ACSL1: variants seen among roughly 807,000 people sequenced by gnomAD.
The protein encoded by ACSL1 is acyl-CoA synthetase long chain family member 1.
ACSL1 carries 41 observed loss-of-function variants against 98.4 expected under a neutral mutation model. The ratio of observed to expected loss-of-function variants is 0.42; its 90% CI spans 0.32 to 0.54. The LOEUF is 0.54. Among genes scored for constraint, ACSL1 ranks in the 20% least tolerant of loss-of-function variants. The probability of loss-of-function intolerance (pLI) is 0.13; values close to 1 mark genes in which losing one functional copy is unlikely to be tolerated. For missense variants in ACSL1, 734 were observed against 883.1 expected (o/e 0.83, Z 2.14); for synonymous variants, 316 against 322.7 (o/e 0.98, Z 0.22).
At chr4:184,822,723 G>C (rs1252544275) in intron 1 of ACSL1, among the ~76,000 whole-genome samples, 1 of 151,890 alleles carries the variant, frequency 6.6e-6, no homozygotes, top group Non-Finnish European at 1.5e-5. Context: ...CTGGGCGACA[G>C]AGTGAGACCT....
chr4:184,768,175 C>T, intron 12 of ACSL1, 141 bp downstream of exon 12: 1 of 883,398 alleles, frequency 1.1e-6, no homozygotes, highest in Non-Finnish European at 1.7e-6. Flanking sequence ...TCTAACTTTA[C>T]AGATGAGTAA....
chr4:184,821,101 C>G, intron 1 of ACSL1: 2 of 456,208 alleles, frequency 4.4e-6, no homozygotes, highest in Non-Finnish European at 8.8e-6. Context: ...TGAGTTAACC[C>G]ATCAGAAGCT....
At chr4:184,821,086 A>T (rs1198780373) in intron 1 of ACSL1, 1 of 456,202 alleles carries the variant, frequency 2.2e-6, no homozygotes, top group African/African-American at 2.0e-5. Context: ...TGCTGAAGGT[A>T]CTAATGAGTT....
intron 2 of ACSL1, among the ~76,000 whole-genome samples, chr4:184,802,873 C>T (rs1770763339): frequency 6.6e-6 from 1 of 152,198 alleles, no homozygotes; most frequent in Admixed American, 6.5e-5. Flanking sequence ...TATTTGAAAT[C>T]CCAAAGTCCC....
chr4:184,812,244 T>A, intron 1 of ACSL1: 1 of 985,272 alleles, frequency 1.0e-6, no homozygotes, highest in Non-Finnish European at 1.2e-6. Context: ...ATGCCCTTGG[T>A]TCTTAACACA....
In ACSL1 at chr4:184,756,926, A is replaced by G. The variant is rs1762182378; in HGVS notation, c.*199T>C. ...TTGGAAAGTGTGTATTACCATAAAC[A>G]TGGTCTGCAACATGAGGTGACTGTA... On this transcript the variant is annotated 3_prime_UTR_variant, in exon 21 of 21. Coordinates refer to ENST00000281455, the MANE Select transcript of ACSL1 (RefSeq NM_001995.5). 1.8e-6 allele frequency: 1 copy of G among 563,140 alleles called. No individual in the cohort carries two copies. Among genetic ancestry groups the G allele is most frequent in the Admixed American group, 3.1e-5 (1 of 32,770 alleles). The allele number at this position is 563,140 out of a possible 1,614,324, so 34.9% of individuals were successfully genotyped here.
intron 4 of ACSL1, among the ~76,000 whole-genome samples, chr4:184,783,209 T>C (rs769451547): frequency 3.3e-5 from 5 of 152,212 alleles, no homozygotes; most frequent in Non-Finnish European, 5.9e-5. Flanking sequence ...AACGTCTTCC[T>C]GCACTGCTAC....
At chr4:184,767,594 A>T (rs943698420) in intron 12 of ACSL1, among the ~76,000 whole-genome samples, 10 of 152,248 alleles carry the variant, frequency 6.6e-5, no homozygotes, top group Non-Finnish European at 1.5e-4. Flanking sequence ...GAACTGTGAA[A>T]GTACTCAAAA....
intron 3 of ACSL1, among the ~76,000 whole-genome samples, chr4:184,784,833 C>A (rs993682137): frequency 6.6e-6 from 1 of 152,174 alleles, no homozygotes; most frequent in Non-Finnish European, 1.5e-5. Flanking sequence ...AGGCTGGACA[C>A]ACTGACTTCT....
At position 184,803,743 on chromosome 4, in the gene ACSL1, AT is replaced by A. The variant is rs1161281931; in HGVS notation, c.-32-198del. ...AAAAACACTTTAGGATTTCATTTTC[AT>A]TCTATTTCTCCATTACCTTGTATTG... On this transcript the variant is annotated intron_variant, in intron 1 of 20. Coordinates refer to ENST00000281455, the MANE Select transcript of ACSL1 (RefSeq NM_001995.5). This position sits in a 1 kb window ranked among gnomAD's most constrained non-coding sequence, Gnocchi z 4.8. Among the ~76,000 whole-genome samples, 4 of 152,132 alleles carry A rather than the reference AT, an allele frequency of 2.6e-5. No homozygotes were observed. The highest frequency in any genetic ancestry group is 9.7e-5 in the African/African-American group (4 of 41,422).
intron 1 of ACSL1, among the ~76,000 whole-genome samples, chr4:184,821,982 G>C (rs1442335667): frequency 6.6e-6 from 1 of 152,160 alleles, no homozygotes; most frequent in East Asian, 1.9e-4. Context: ...TCTCCAGTAA[G>C]TATGTATGAC....
At chr4:184,775,585 T>C (rs1399799639) in intron 7 of ACSL1, among the ~76,000 whole-genome samples, 1 of 152,072 alleles carries the variant, frequency 6.6e-6, no homozygotes, top group African/African-American at 2.4e-5. Context: ...GAGAGAGAGT[T>C]GGGCAGGGGC....
At chr4:184,784,853 CT>C (rs1228465960) in intron 3 of ACSL1, among the ~76,000 whole-genome samples, 1 of 152,146 alleles carries the variant, frequency 6.6e-6, no homozygotes, top group African/African-American at 2.4e-5. Context: ...TTTGCCATCC[CT>C]AAAAACAGTC....
chr4:184,774,616 C>T (rs1430497084), intron 7 of ACSL1, among the ~76,000 whole-genome samples: 1 of 152,130 alleles, frequency 6.6e-6, no homozygotes, highest in African/African-American at 2.4e-5. Context: ...TTGGTGGCCA[C>T]TTTAATATCT....
intron 11 of ACSL1, 155 bp downstream of exon 11, chr4:184,770,244 G>T: frequency 1.3e-6 from 2 of 1,539,038 alleles, no homozygotes; most frequent in Non-Finnish European, 1.7e-6. Flanking sequence ...CAGTCCGCAC[G>T]CCACACTTAC....
intron 2 of ACSL1, among the ~76,000 whole-genome samples, chr4:184,792,834 G>C (rs1031250842): frequency 6.6e-6 from 1 of 152,228 alleles, no homozygotes; most frequent in Non-Finnish European, 1.5e-5. Context: ...CAAGCTGAGT[G>C]CTGGGAAGCA....
intron 1 of ACSL1, among the ~76,000 whole-genome samples, chr4:184,811,352 T>A (rs1429039783): frequency 6.6e-6 from 1 of 152,122 alleles, no homozygotes; most frequent in Non-Finnish European, 1.5e-5. Flanking sequence ...GACTTTGTGA[T>A]CTGCCCGCCT....
intron 10 of ACSL1, among the ~76,000 whole-genome samples, chr4:184,772,220 A>G: frequency 6.6e-6 from 1 of 152,242 alleles, no homozygotes; most frequent in East Asian, 1.9e-4. Flanking sequence ...TTTAGAAAGT[A>G]TACATCTTTA....
rs377142621 is a variant in ACSL1, at chr4:184,803,024, G to A, written c.195+296C>T. ...GGTTCTGTGCTATATTTTTCCTTAT[G>A]GAATCCTCCAGGCTGACCACAGTGC... On this transcript the variant is annotated intron_variant, in intron 2 of 20. Coordinates refer to ENST00000281455, the MANE Select transcript of ACSL1 (RefSeq NM_001995.5). The surrounding 1 kb of genome is among the most constrained non-coding windows in gnomAD (Gnocchi z 4.8). Among the ~76,000 whole-genome samples, 2 of 152,070 alleles carry A rather than the reference G, an allele frequency of 1.3e-5. No individual in the cohort carries two copies. Among genetic ancestry groups the A allele is most frequent in the East Asian group, 1.9e-4 (1 of 5,198 alleles).
Sources: allele counts gnomAD v4.1 joint callset (sites outside exome capture counted in the v4.1 genomes callset), GRCh38; gene constraint gnomAD v4.1.1; non-coding constraint Gnocchi (gnomAD v3.1); transcripts MANE v1.5; gene names NCBI Gene and HGNC (gene_info 2026-07-23, HGNC 2026-07-21).